The following TASP1 variants were observed in gnomAD, a reference collection of about 807,000 sequenced individuals.
TASP1 encodes the protein taspase 1, also known as threonine aspartase 1.
TASP1 carries 16 observed loss-of-function variants against 56.6 expected under a neutral mutation model. That is an observed-to-expected ratio of 0.28 (90% confidence interval 0.19 to 0.43). TASP1 has a LOEUF of 0.43. Among genes scored for constraint, TASP1 ranks in the 20% least tolerant of loss-of-function variants. TASP1 has a pLI of 1.00. For synonymous variants in TASP1, 179 were observed against 184.2 expected (o/e 0.97, Z 0.23); for missense variants, 393 against 511.6 (o/e 0.77, Z 2.24).
At chr20:13,264,084 A>G in the TASP1 span, among the ~76,000 whole-genome samples, 1 of 152,214 alleles carries the variant, frequency 6.6e-6, no homozygotes, top group Non-Finnish European at 1.5e-5. Flanking sequence ...AACTTTAGCC[A>G]TCATTATCAT....
chr20:13,290,864 T>C, the TASP1 span, among the ~76,000 whole-genome samples: 5 of 152,228 alleles, frequency 3.3e-5, no homozygotes, highest in Non-Finnish European at 7.3e-5. Context: ...AACTGAGGCA[T>C]AGAGGATTAA....
At chr20:13,459,577 A>G (rs985715277) in intron 11 of TASP1, among the ~76,000 whole-genome samples, 1 of 152,124 alleles carries the variant, frequency 6.6e-6, no homozygotes. Context: ...CATGGTCACT[A>G]TCTTCAATTT....
At chr20:13,410,921 T>G (rs532587249) in intron 13 of TASP1, among the ~76,000 whole-genome samples, 27 of 152,248 alleles carry the variant, frequency 1.8e-4, no homozygotes, top group African/African-American at 6.0e-4. Context: ...TGTCCTGAAG[T>G]ATTTTCCCTA....
At chr20:13,388,844 T>C (rs1037250459), downstream of TASP1, among the ~76,000 whole-genome samples, 1 of 152,194 alleles carries the variant, frequency 6.6e-6, no homozygotes, top group Non-Finnish European at 1.5e-5. Flanking sequence ...TCTCAAATTA[T>C]TCATATTTAC....
intron 11 of TASP1, among the ~76,000 whole-genome samples, chr20:13,439,170 G>A (rs112137879): frequency 7.9e-5 from 12 of 152,280 alleles, no homozygotes; most frequent in African/African-American, 2.9e-4. Flanking sequence ...ACACCCAAAG[G>A]ATTATAGATC....
chr20:13,208,969 T>A, the TASP1 span, among the ~76,000 whole-genome samples: 2 of 152,326 alleles, frequency 1.3e-5, no homozygotes, highest in South Asian at 4.1e-4. Context: ...CTCAGCCCAG[T>A]CTTCTACCTC....
At chr20:13,413,387 A>G (rs971419342) in intron 13 of TASP1, among the ~76,000 whole-genome samples, 2 of 151,844 alleles carry the variant, frequency 1.3e-5, no homozygotes, top group African/African-American at 4.8e-5. Flanking sequence ...TTTTTTTTTT[A>G]AGAAAAGCTG....
At chr20:13,233,241 T>C in the TASP1 span, among the ~76,000 whole-genome samples, 1 of 152,092 alleles carries the variant, frequency 6.6e-6, no homozygotes, top group Non-Finnish European at 1.5e-5. Flanking sequence ...CAACATGAAT[T>C]GGAAGCCAAG....
chr20:13,510,857 T>G (rs960025536), intron 10 of TASP1, among the ~76,000 whole-genome samples: 7 of 152,164 alleles, frequency 4.6e-5, no homozygotes, highest in African/African-American at 1.7e-4. Flanking sequence ...TATTATCTCT[T>G]TTAGTTTTTG....
intron 11 of TASP1, among the ~76,000 whole-genome samples, chr20:13,438,480 C>A (rs2043095023): frequency 6.6e-6 from 1 of 152,172 alleles, no homozygotes; most frequent in African/African-American, 2.4e-5. Context: ...GGATCCCTTC[C>A]TTATACCTTA....
At chr20:13,271,265 A>C in the TASP1 span, among the ~76,000 whole-genome samples, 1 of 152,206 alleles carries the variant, frequency 6.6e-6, no homozygotes, top group Non-Finnish European at 1.5e-5. Flanking sequence ...GTTACTCTAA[A>C]GTATACATGA....
At chr20:13,263,905 G>A in the TASP1 span, among the ~76,000 whole-genome samples, 2 of 152,188 alleles carry the variant, frequency 1.3e-5, no homozygotes, top group South Asian at 2.1e-4. Flanking sequence ...AAGTCTATGA[G>A]ACCAAATGCA....
At chr20:13,184,102 C>A in the TASP1 span, among the ~76,000 whole-genome samples, 1 of 150,748 alleles carries the variant, frequency 6.6e-6, no homozygotes, top group African/African-American at 2.4e-5. Flanking sequence ...TTGTATTCAA[C>A]ATTTATTCAA....
At chr20:13,556,847 C>T (rs954472362) in intron 8 of TASP1, among the ~76,000 whole-genome samples, 3 of 152,222 alleles carry the variant, frequency 2.0e-5, no homozygotes, top group Non-Finnish European at 2.9e-5. Flanking sequence ...TTCATTCAGA[C>T]TCTCACATCC....
intron 11 of TASP1, among the ~76,000 whole-genome samples, chr20:13,475,253 C>T (rs1203102788): frequency 6.6e-6 from 1 of 152,140 alleles, no homozygotes; most frequent in Non-Finnish European, 1.5e-5. Context: ...TGACTGCATT[C>T]CTTTGCAAAC....
At chr20:13,233,132 C>G in the TASP1 span, among the ~76,000 whole-genome samples, 2 of 152,136 alleles carry the variant, frequency 1.3e-5, no homozygotes, top group Admixed American at 1.3e-4. Flanking sequence ...TTCCTTGTCC[C>G]CATGAGTGGA....
At chr20:13,557,053 G>A (rs1299094203) in intron 8 of TASP1, among the ~76,000 whole-genome samples, 2 of 152,074 alleles carry the variant, frequency 1.3e-5, no homozygotes, top group Admixed American at 1.3e-4. Flanking sequence ...ATGGAAAACT[G>A]AACTACTTGA....
the TASP1 span, among the ~76,000 whole-genome samples, chr20:13,184,415 A>G: frequency 6.6e-6 from 1 of 152,178 alleles, no homozygotes; most frequent in Non-Finnish European, 1.5e-5. Context: ...TCATTCTTCA[A>G]TTGTCCATAA....
intron 12 of TASP1, among the ~76,000 whole-genome samples, chr20:13,426,198 G>A (rs2042612693): frequency 6.6e-6 from 1 of 152,102 alleles, no homozygotes; most frequent in African/African-American, 2.4e-5. Flanking sequence ...GTTGGGACTT[G>A]GAAGTTCTCT....
Sources: allele counts gnomAD v4.1 joint callset (sites outside exome capture counted in the v4.1 genomes callset), GRCh38; gene constraint gnomAD v4.1.1; transcripts MANE v1.5; gene names NCBI Gene and HGNC (gene_info 2026-07-23, HGNC 2026-07-21).